The following OPRM1 variants were observed in gnomAD, a reference collection of about 807,000 sequenced individuals.
The protein encoded by OPRM1 is opioid receptor mu 1.
OPRM1 carries 27 observed loss-of-function variants against 31.8 expected under a neutral mutation model. The observed-to-expected ratio is 0.85, with a 90% CI of 0.63 to 1.17. The LOEUF (loss-of-function observed/expected upper bound fraction) is 1.17. Ranked by LOEUF, OPRM1 falls within the 50% of genes most tolerant of loss-of-function variation. OPRM1 has a pLI of 0.00. For missense variants in OPRM1, 536 were observed against 511.1 expected, an observed-to-expected ratio of 1.05 and a Z score of -0.47; for synonymous variants, 196 against 189.9, an observed-to-expected ratio of 1.03 and a Z score of -0.26.
chr6:154,084,421 A>C (rs1044090529), intron 1 of OPRM1, among the ~76,000 whole-genome samples: 16 of 150,620 alleles, frequency 1.1e-4, no homozygotes, highest in African/African-American at 4.0e-4. Context: ...ACAGACAGAC[A>C]GACACACACA....
At position 154,039,701 on chromosome 6, in the gene OPRM1, G is replaced by A. The variant is rs755984329; in HGVS notation, c.157G>A (p.Gly53Ser). The A allele has an allele frequency of 6.2e-6, 10 of 1,613,512 alleles. No individual in the cohort carries two copies. Among genetic ancestry groups the A allele is most frequent in the Non-Finnish European group, 8.5e-7 (1 of 1,180,044 alleles). ...DPCGPNRTDL[G>S]GRDSLCPPTG... ...ATGCGGTCCGAACCGCACCGACCTG[G>A]GCGGGAGAGACAGCCTGTGCCCTCC... Residue 53 changes from glycine to serine, a missense_variant, in exon 1 of 4, where the codon GGC becomes AGC. Coordinates refer to ENST00000330432, the MANE Select transcript of OPRM1 (RefSeq NM_000914.5).
intron 3 of OPRM1, among the ~76,000 whole-genome samples, chr6:154,244,645 A>T (rs567703143): frequency 6.6e-6 from 1 of 152,298 alleles, no homozygotes; most frequent in South Asian, 2.1e-4. Flanking sequence ...TGCCTAAAAT[A>T]GGTAACTCAT....
chr6:154,113,129 C>G (rs1240433647), intron 3 of OPRM1, among the ~76,000 whole-genome samples: 1 of 152,214 alleles, frequency 6.6e-6, no homozygotes, highest in Non-Finnish European at 1.5e-5. Context: ...ATCAATGACC[C>G]ATTTACAATC....
chr6:154,110,695 T>C (rs909293449), intron 3 of OPRM1, among the ~76,000 whole-genome samples: 2 of 152,100 alleles, frequency 1.3e-5, no homozygotes, highest in African/African-American at 4.8e-5. Context: ...GAGATCATCC[T>C]GGCTAACATG....
intron 1 of OPRM1, among the ~76,000 whole-genome samples, chr6:154,043,395 A>G (rs553801648): frequency 8.7e-4 from 133 of 152,086 alleles, no homozygotes; most frequent in Non-Finnish European, 1.5e-3. Context: ...TAAATATTTG[A>G]TTCAGGTTTA....
chr6:154,213,077 G>A, intron 3 of OPRM1: 1 of 510,380 alleles, frequency 2.0e-6, no homozygotes. Context: ...CATCCAATAT[G>A]CAGGAAGAAG....
chr6:154,168,669 A>G lies in OPRM1; in HGVS notation c.1164+77197A>G, dbSNP rs1018793729. On this transcript the variant is annotated intron_variant, in intron 3 of 3. Transcript: ENST00000337049. This position sits in a 1 kb window ranked among gnomAD's most constrained non-coding sequence, Gnocchi z 4.1. ...TGCCCAGGCTAAAGTGAAATGGCAC[A>G]ATCTTGGCTCACTGAAACCTACACC... 6.6e-6 allele frequency among the ~76,000 whole-genome samples: 1 copy of G among 152,038 alleles called. No homozygotes were observed. Among genetic ancestry groups the G allele is most frequent in the Admixed American group, 6.6e-5 (1 of 15,260 alleles).
chr6:154,153,288 T>C (rs1798591485), intron 3 of OPRM1, among the ~76,000 whole-genome samples: 1 of 152,156 alleles, frequency 6.6e-6, no homozygotes, highest in Non-Finnish European at 1.5e-5. Context: ...CACTGGAACC[T>C]GTGTAGACGT....
chr6:154,231,978 T>C (rs1562556431), intron 3 of OPRM1, among the ~76,000 whole-genome samples: 1 of 152,230 alleles, frequency 6.6e-6, no homozygotes, highest in East Asian at 1.9e-4. Flanking sequence ...TATACGTATT[T>C]CATGGCAAAT....
chr6:154,174,726 G>C (rs1235716155), intron 3 of OPRM1, among the ~76,000 whole-genome samples: 2 of 152,136 alleles, frequency 1.3e-5, no homozygotes, highest in African/African-American at 2.4e-5. Flanking sequence ...AATAATGGGA[G>C]ACTTTAACAC....
At chr6:154,159,825 G>C (rs757793957) in intron 3 of OPRM1, 2 of 1,605,344 alleles carry the variant, frequency 1.2e-6, no homozygotes, top group South Asian at 1.1e-5. Context: ...CCCTGACTTT[G>C]TCTCAAATGG....
At chr6:154,065,604 T>C (rs983930630) in intron 1 of OPRM1, among the ~76,000 whole-genome samples, 1 of 152,256 alleles carries the variant, frequency 6.6e-6, no homozygotes, top group Non-Finnish European at 1.5e-5. Flanking sequence ...TTTTTATATG[T>C]TGACTTTGTA....
chr6:154,028,515 A>G (rs958860072), intron 1 of OPRM1, among the ~76,000 whole-genome samples: 1 of 152,342 alleles, frequency 6.6e-6, no homozygotes, highest in South Asian at 2.1e-4. Context: ...GGCCACGTTC[A>G]GCACTAGGAC....
At chr6:154,118,569 G>C (rs1797111602) in intron 3 of OPRM1, 114 bp from the exon 4 acceptor site, 2 of 910,870 alleles carry the variant, frequency 2.2e-6, no homozygotes, top group Admixed American at 2.1e-5. Context: ...GCTTGCAGGT[G>C]AAAGTATACA....
Position 154,111,827 on chromosome 6 carries a change from G to T in OPRM1, c.1165-6856G>T, listed in dbSNP as rs529374649. Among the ~76,000 whole-genome samples the T allele has an allele frequency of 2.0e-5, 3 of 152,126 alleles. No homozygotes were observed. In the South Asian group the frequency reaches 6.2e-4, roughly 32 times the overall value. On this transcript the variant is annotated intron_variant, in intron 3 of 3. Transcript: ENST00000330432. Reference sequence around the variant, plus strand: ...TGTCGCCCAGCTGGAGTGCAGTGGTGCCATCTCGGCTCACTGCAAGCTCCG... The same window carrying T: ...TGTCGCCCAGCTGGAGTGCAGTGGTTCCATCTCGGCTCACTGCAAGCTCCG...
intron 1 of OPRM1, among the ~76,000 whole-genome samples, chr6:154,024,187 G>A (rs2128383655): frequency 6.6e-6 from 1 of 152,044 alleles, no homozygotes; most frequent in African/African-American, 2.4e-5. Context: ...TTCTTTACCG[G>A]GAGAACTTTA....
chr6:154,114,270 A>G (rs1332365243), intron 3 of OPRM1, among the ~76,000 whole-genome samples: 1 of 152,206 alleles, frequency 6.6e-6, no homozygotes, highest in Non-Finnish European at 1.5e-5. Flanking sequence ...TCAACTTTTG[A>G]GTCTTAGTCC....
In OPRM1 at chr6:154,123,489, C is replaced by G. The variant is rs1047666650; in HGVS notation, c.*4768C>G. Among the ~76,000 whole-genome samples, 3 of 152,262 alleles carry G rather than the reference C, an allele frequency of 2.0e-5. No homozygotes were observed. Among genetic ancestry groups the G allele is most frequent in the Non-Finnish European group, 2.9e-5 (2 of 68,008 alleles). ...CCGAGGACTAGTCTTAGCTGTTTACCTAACTGATTGGTCCTTTTCTTCTCC... is the reference window on the plus strand; with the variant it reads ...CCGAGGACTAGTCTTAGCTGTTTACGTAACTGATTGGTCCTTTTCTTCTCC... On this transcript the variant is annotated 3_prime_UTR_variant, in exon 4 of 4. Coordinates refer to ENST00000330432, the MANE Select transcript of OPRM1 (RefSeq NM_000914.5).
chr6:154,091,084 T>G lies in OPRM1; in HGVS notation c.776T>G (p.Leu259Trp), dbSNP rs1172308008. 6.2e-7 allele frequency: 1 copy of G among 1,614,198 alleles called. No individual in the cohort carries two copies. Among genetic ancestry groups the G allele is most frequent in the East Asian group, 2.2e-5 (1 of 44,888 alleles). The stretch of plus-strand genomic sequence containing the variant: ...ACCGTGTGCTATGGACTGATGATCT[T>G]GCGCCTCAAGAGTGTCCGCATGCTC... Reference protein sequence around the residue: ...IITVCYGLMILRLKSVRMLSG... With the variant: ...IITVCYGLMIWRLKSVRMLSG... The change falls in exon 3 of 4, where the codon TTG becomes TGG. Residue 259 changes from leucine (L) to tryptophan (W), a missense_variant. Transcript: ENST00000330432.
Sources: allele counts gnomAD v4.1 joint callset (sites outside exome capture counted in the v4.1 genomes callset), GRCh38; gene constraint gnomAD v4.1.1; non-coding constraint Gnocchi (gnomAD v3.1); transcripts MANE v1.5; gene names NCBI Gene and HGNC (gene_info 2026-07-23, HGNC 2026-07-21).